The following CDH18 variants were observed in gnomAD, a reference collection of about 807,000 sequenced individuals.
The protein encoded by CDH18 is cadherin-18.
A neutral mutation model predicts 67.9 loss-of-function variants in CDH18; 31 were observed. That is an observed-to-expected ratio of 0.46 (90% CI 0.34 to 0.62). The LOEUF is 0.62. CDH18 is among the 20% of genes least tolerant of loss of function. CDH18 has a pLI of 0.01. For missense variants in CDH18, 890 were observed against 975.5 expected, an observed-to-expected ratio of 0.91 and a Z score of 1.17; for synonymous variants, 362 against 347.2, an observed-to-expected ratio of 1.04 and a Z score of -0.48.
chr5:19,890,075 A>T (rs1431712056), intron 2 of CDH18, among the ~76,000 whole-genome samples: 1 of 152,194 alleles, frequency 6.6e-6, no homozygotes, highest in Non-Finnish European at 1.5e-5. Context: ...ATTGGTTTAC[A>T]GTTCTGGAGT....
intron 2 of CDH18, among the ~76,000 whole-genome samples, chr5:20,003,832 G>A (rs1391740289): frequency 2.6e-5 from 4 of 152,144 alleles, no homozygotes; most frequent in Non-Finnish European, 5.9e-5. Flanking sequence ...CGGAGGTGGA[G>A]CTTGCAGTGA....
chr5:20,306,419 A>G (rs893590985), intron 1 of CDH18, among the ~76,000 whole-genome samples: 1 of 149,614 alleles, frequency 6.7e-6, no homozygotes, highest in Non-Finnish European at 1.5e-5. Context: ...AACTCAAAGT[A>G]GCCTTTTCCA....
chr5:19,498,897 G>A (rs1742778388), intron 11 of CDH18, among the ~76,000 whole-genome samples: 1 of 151,970 alleles, frequency 6.6e-6, no homozygotes, highest in Admixed American at 6.6e-5. Context: ...CCATCTTTAG[G>A]AACTAGTCCT....
chr5:20,009,598 G>A (rs1176913955), intron 2 of CDH18, among the ~76,000 whole-genome samples: 1 of 151,998 alleles, frequency 6.6e-6, no homozygotes, highest in African/African-American at 2.4e-5. Context: ...ACCAATATAC[G>A]AAGTTTTCAC....
At chr5:20,000,798 G>A (rs770647605) in intron 2 of CDH18, among the ~76,000 whole-genome samples, 1 of 151,528 alleles carries the variant, frequency 6.6e-6, no homozygotes, top group Non-Finnish European at 1.5e-5. Flanking sequence ...ATATGAGAAT[G>A]GAAAGGAGAA....
chr5:20,162,574 C>T (rs1270374546), intron 2 of CDH18, among the ~76,000 whole-genome samples: 3 of 149,774 alleles, frequency 2.0e-5, no homozygotes, highest in Non-Finnish European at 4.4e-5. Context: ...GTTTGGCAGA[C>T]TTGTTTAAGG....
intron 1 of CDH18, among the ~76,000 whole-genome samples, chr5:20,567,267 T>C (rs1000210227): frequency 6.6e-6 from 1 of 152,350 alleles, no homozygotes; most frequent in Non-Finnish European, 1.5e-5. Flanking sequence ...TTCTAAGATC[T>C]TTTAGATTCA....
chr5:19,825,179 C>A (rs1265867570), intron 3 of CDH18, among the ~76,000 whole-genome samples: 1 of 152,142 alleles, frequency 6.6e-6, no homozygotes, highest in Non-Finnish European at 1.5e-5. Flanking sequence ...CAAGTGGGCA[C>A]AGACTCCTGT....
chr5:19,502,782 G>A (rs558353200), intron 11 of CDH18: 1 of 553,840 alleles, frequency 1.8e-6, no homozygotes, highest in African/African-American at 1.9e-5. Context: ...CTTGTTTAAA[G>A]AGATGCTTCT....
chr5:20,307,584 T>A (rs980454712), intron 1 of CDH18, among the ~76,000 whole-genome samples: 4 of 152,188 alleles, frequency 2.6e-5, no homozygotes, highest in African/African-American at 9.7e-5. Flanking sequence ...AGTGGACTGC[T>A]TCCATTGTGT....
At chr5:19,698,010 T>C (rs1762759763) in intron 5 of CDH18, among the ~76,000 whole-genome samples, 1 of 152,202 alleles carries the variant, frequency 6.6e-6, no homozygotes, top group Non-Finnish European at 1.5e-5. Context: ...GTGAGGCTAC[T>C]TTTAAATACT....
At chr5:19,640,328 T>C (rs1753822358) in intron 5 of CDH18, among the ~76,000 whole-genome samples, 1 of 152,146 alleles carries the variant, frequency 6.6e-6, no homozygotes, top group Non-Finnish European at 1.5e-5. Context: ...TACAAGGGTA[T>C]TATATGTGGG....
At chr5:19,971,074 T>C (rs1175270320) in intron 2 of CDH18, among the ~76,000 whole-genome samples, 1 of 151,876 alleles carries the variant, frequency 6.6e-6, no homozygotes, top group Non-Finnish European at 1.5e-5. Context: ...ACATGATGTC[T>C]TGAAAATAGC....
intron 1 of CDH18, among the ~76,000 whole-genome samples, chr5:20,460,170 G>A (rs1287862808): frequency 6.6e-6 from 1 of 151,984 alleles, no homozygotes; most frequent in African/African-American, 2.4e-5. Context: ...CGAGGTGGGT[G>A]GATCACGAAG....
chr5:19,589,345 CA>C (rs577657862), intron 7 of CDH18, among the ~76,000 whole-genome samples: 105 of 152,170 alleles, frequency 6.9e-4, no homozygotes, highest in African/African-American at 2.3e-3. Flanking sequence ...AGATTTCCTC[CA>C]AGATTATATT....
intron 5 of CDH18, among the ~76,000 whole-genome samples, chr5:19,720,301 T>C (rs577151034): frequency 6.6e-6 from 1 of 152,238 alleles, no homozygotes; most frequent in African/African-American, 2.4e-5. Flanking sequence ...TTTGTATTAG[T>C]TATGTGGCTA....
At chr5:19,841,274 C>T (rs1432514573) in intron 2 of CDH18, among the ~76,000 whole-genome samples, 1 of 152,084 alleles carries the variant, frequency 6.6e-6, no homozygotes, top group Non-Finnish European at 1.5e-5. Flanking sequence ...TAAATCAAAA[C>T]AACTTCAAAA....
chr5:19,878,686 C>T (rs1787302880), intron 2 of CDH18, among the ~76,000 whole-genome samples: 1 of 151,870 alleles, frequency 6.6e-6, no homozygotes, highest in Non-Finnish European at 1.5e-5. Context: ...GAAAAAAAAT[C>T]AAGGTTCATA....
chr5:20,393,433 A>G (rs1745029094), intron 1 of CDH18, among the ~76,000 whole-genome samples: 1 of 152,014 alleles, frequency 6.6e-6, no homozygotes, highest in Admixed American at 6.6e-5. Flanking sequence ...CACTGCTGGT[A>G]TAGACGAACA....
Sources: gnomAD v4.1 joint callset for allele counts (sites outside exome capture counted in the v4.1 genomes callset) on GRCh38, gnomAD v4.1.1 for gene constraint, MANE v1.5 for transcripts, NCBI Gene and HGNC (gene_info 2026-07-23, HGNC 2026-07-21) for gene names.